Variants in UTS2B observed in about 807,000 individuals in gnomAD.
The protein encoded by UTS2B is urotensin-2B.
UTS2B carries 21 observed loss-of-function variants against 19.2 expected under a neutral mutation model. The observed-to-expected ratio is 1.09, with a 90% CI of 0.78 to 1.58. The LOEUF (loss-of-function observed/expected upper bound fraction) is 1.58, where lower values mean the gene tolerates loss of function less well. Among genes scored for constraint, UTS2B ranks in the 40% most tolerant of loss-of-function variants. The probability of loss-of-function intolerance (pLI) is 0.00; values close to 1 mark genes in which losing one functional copy is unlikely to be tolerated. For missense variants in UTS2B, 138 were observed against 130.3 expected, an observed-to-expected ratio of 1.06 and a Z score of -0.29; for synonymous variants, 57 against 50.2, an observed-to-expected ratio of 1.14 and a Z score of -0.58.
intron 3 of UTS2B, among the ~76,000 whole-genome samples, chr3:191,305,291 A>G (rs945428757): frequency 7.2e-5 from 11 of 152,210 alleles, no homozygotes; most frequent in African/African-American, 7.2e-5. Flanking sequence ...CCAACAGTGT[A>G]TAAGTGTTCC....
upstream of UTS2B, among the ~76,000 whole-genome samples, chr3:191,332,345 T>C (rs570842870): frequency 1.3e-5 from 2 of 152,346 alleles, no homozygotes; most frequent in Admixed American, 1.3e-4. Context: ...GTAAATCTCT[T>C]AAACTGGGAG....
intron 8 of UTS2B, among the ~76,000 whole-genome samples, chr3:191,272,862 TAAAA>T (rs35248454): frequency 8.5e-6 from 1 of 118,288 alleles, no homozygotes; most frequent in African/African-American, 3.3e-5. Context: ...AAACTCCGTC[TAAAA>T]AAAAAAAAAA....
intron 4 of UTS2B, among the ~76,000 whole-genome samples, chr3:191,296,515 T>A (rs1403730703): frequency 1.3e-5 from 2 of 152,222 alleles, no homozygotes; most frequent in Admixed American, 1.3e-4. Context: ...ATTTACCTTG[T>A]TCATGACTGT....
intron 4 of UTS2B, among the ~76,000 whole-genome samples, 199 bp downstream of exon 4, chr3:191,304,293 T>G (rs1489169816): frequency 1.3e-5 from 2 of 152,176 alleles, no homozygotes; most frequent in Non-Finnish European, 2.9e-5. Flanking sequence ...TGAAGCAAAC[T>G]TCATCTAGTG....
intron 2 of UTS2B, among the ~76,000 whole-genome samples, chr3:191,323,445 AGGCATGAGCTATC>A (rs376118572): frequency 6.6e-6 from 1 of 152,292 alleles, no homozygotes; most frequent in African/African-American, 2.4e-5. Flanking sequence ...CTGGGATTAG[AGGCATGAGCTATC>A]GCGCCTGACC....
chr3:191,300,124 C>T (rs972659369), intron 4 of UTS2B, among the ~76,000 whole-genome samples: 5 of 152,018 alleles, frequency 3.3e-5, no homozygotes, highest in Admixed American at 2.6e-4. Context: ...AATCTCGGCA[C>T]GCTGCAACCA....
rs530727281 is a variant in UTS2B, at chr3:191,330,008, C to CAA, written c.-665+404_-665+405dup. The stretch of plus-strand genomic sequence containing the variant: ...GCTGTGCCCGTGTTCTCGTGCATCG[C>CAA]AAAGCCTCAGTGGACGCTGAGAGCC... On this transcript the variant is annotated intron_variant, in intron 1 of 8. Coordinates refer to ENST00000340524, the MANE Select transcript of UTS2B (RefSeq NM_198152.5). Among the ~76,000 whole-genome samples the CAA allele has an allele frequency of 4.1e-4, 62 of 151,496 alleles. 1 individual carries two copies. The South Asian group carries it at 6.9e-3, about 17-fold the overall frequency.
intron 7 of UTS2B, among the ~76,000 whole-genome samples, chr3:191,275,928 GAAGTCACCTC>G (rs556192487): frequency 1.6e-4 from 24 of 152,244 alleles, no homozygotes; most frequent in African/African-American, 5.3e-4. Flanking sequence ...TTGGGCAAAG[GAAGTCACCTC>G]TGGGTGTTAA....
At chr3:191,304,056 G>A (rs946404485) in intron 4 of UTS2B, among the ~76,000 whole-genome samples, 1 of 151,338 alleles carries the variant, frequency 6.6e-6, no homozygotes, top group Non-Finnish European at 1.5e-5. Flanking sequence ...TGCAACCTCC[G>A]CCTCCTGGGC....
chr3:191,318,734 G>A (rs1359176838), intron 2 of UTS2B, among the ~76,000 whole-genome samples: 2 of 152,250 alleles, frequency 1.3e-5, no homozygotes, highest in Admixed American at 1.3e-4. Context: ...GCCTCCCAAA[G>A]TGTTGGGATG....
chr3:191,337,441 C>A, the UTS2B span, among the ~76,000 whole-genome samples: 1 of 151,732 alleles, frequency 6.6e-6, no homozygotes, highest in East Asian at 1.9e-4. Context: ...GACGCCCAGG[C>A]TCGAGCGATT....
intron 4 of UTS2B, among the ~76,000 whole-genome samples, chr3:191,294,027 G>C (rs975269668): frequency 6.6e-6 from 1 of 151,772 alleles, no homozygotes; most frequent in African/African-American, 2.4e-5. Context: ...AGAATCGCTT[G>C]AACCTGGGAG....
At chr3:191,333,639 G>A (rs1718057395), upstream of UTS2B, among the ~76,000 whole-genome samples, 1 of 152,132 alleles carries the variant, frequency 6.6e-6, no homozygotes, top group African/African-American at 2.4e-5. Flanking sequence ...TTGGATGAAT[G>A]TCTTTTATGT....
chr3:191,331,156 T>A (rs1370925158), upstream of UTS2B, among the ~76,000 whole-genome samples: 1 of 152,160 alleles, frequency 6.6e-6, no homozygotes, highest in African/African-American at 2.4e-5. Context: ...ATGTGTTGGG[T>A]TTGTCTCTAG....
intron 1 of UTS2B, chr3:191,329,747 C>T: frequency 3.7e-6 from 6 of 1,602,146 alleles, no homozygotes; most frequent in Non-Finnish European, 5.1e-6. Context: ...AGGGAGAGCG[C>T]GCGGGACCCT....
At chr3:191,283,134 C>T (rs1335184198) in intron 4 of UTS2B, among the ~76,000 whole-genome samples, 1 of 152,142 alleles carries the variant, frequency 6.6e-6, no homozygotes, top group Non-Finnish European at 1.5e-5. Context: ...AATGACTAAT[C>T]TTTTTACTAA....
intron 8 of UTS2B, among the ~76,000 whole-genome samples, chr3:191,274,282 G>T (rs766661366): frequency 4.6e-5 from 7 of 152,092 alleles, no homozygotes; most frequent in African/African-American, 7.2e-5. Context: ...TATTGTATGG[G>T]ATTCATGTAG....
intron 8 of UTS2B, among the ~76,000 whole-genome samples, chr3:191,271,132 AG>A (rs754998470): frequency 1.6e-4 from 22 of 140,266 alleles, no homozygotes; most frequent in Non-Finnish European, 2.6e-4. Flanking sequence ...TGAACACGGG[AG>A]GCAGAGGTTG....
At chr3:191,309,710 G>C (rs6796988) in intron 3 of UTS2B, among the ~76,000 whole-genome samples, 10,243 of 152,012 alleles carry the variant, frequency 0.067, 1,146 homozygotes, top group African/African-American at 0.23. Context: ...GCGTGAGTCA[G>C]TTATTGTGAG....
Sources: gnomAD v4.1 joint callset for allele counts (sites outside exome capture counted in the v4.1 genomes callset) on GRCh38, gnomAD v4.1.1 for gene constraint, MANE v1.5 for transcripts, NCBI Gene and HGNC (gene_info 2026-07-23, HGNC 2026-07-21) for gene names.